The following MAGI2 variants were observed in gnomAD, a reference collection of about 807,000 sequenced individuals.
The protein encoded by MAGI2 is membrane-associated guanylate kinase, WW and PDZ domain-containing protein 2.
A neutral mutation model predicts 133.3 loss-of-function variants in MAGI2; 35 were observed. The observed-to-expected ratio is 0.26, with a 90% CI of 0.20 to 0.35. The LOEUF (loss-of-function observed/expected upper bound fraction) is 0.35, where lower values mean the gene tolerates loss of function less well. Ranked by LOEUF, MAGI2 falls within the 10% of genes least tolerant of loss-of-function variation. MAGI2 has a pLI of 1.00. For synonymous variants in MAGI2, 729 were observed against 710.6 expected, an observed-to-expected ratio of 1.03 and a Z score of -0.41; for missense variants, 1,636 against 1,863.4, an observed-to-expected ratio of 0.88 and a Z score of 2.25.
chr7:78,077,754 A>G (rs2151183333), intron 21 of MAGI2, among the ~76,000 whole-genome samples: 1 of 106,408 alleles, frequency 9.4e-6, no homozygotes, highest in East Asian at 2.6e-4. Context: ...TTTGAGACAG[A>G]GTTTCGCTCT....
At chr7:79,436,835 C>T (rs1310781875) in intron 1 of MAGI2, among the ~76,000 whole-genome samples, 1 of 152,114 alleles carries the variant, frequency 6.6e-6, no homozygotes, top group Non-Finnish European at 1.5e-5. Context: ...ATCCAGTAAT[C>T]CCATTACTGG....
chr7:78,083,387 G>GGGGGGAGAGAGA (rs1816229903), intron 20 of MAGI2, among the ~76,000 whole-genome samples: 9 of 33,302 alleles, frequency 2.7e-4, no homozygotes, highest in East Asian at 1.3e-3. Context: ...AGGGAGGGGG[G>GGGGGGAGAGAGA]GAGAGAGAGA....
intron 1 of MAGI2, among the ~76,000 whole-genome samples, chr7:79,298,323 AG>A (rs1419728572): frequency 3.9e-5 from 6 of 152,308 alleles, no homozygotes; most frequent in Non-Finnish European, 8.8e-5. Flanking sequence ...TAGATTCTGC[AG>A]AACAAGTGGA....
chr7:78,476,666 A>G (rs182977615), intron 6 of MAGI2, among the ~76,000 whole-genome samples: 1 of 152,052 alleles, frequency 6.6e-6, no homozygotes, highest in East Asian at 1.9e-4. Context: ...TCTGAGGGCA[A>G]CTTTATGTTC....
At chr7:79,096,395 T>G (rs926205711) in intron 1 of MAGI2, among the ~76,000 whole-genome samples, 4 of 152,190 alleles carry the variant, frequency 2.6e-5, no homozygotes, top group Non-Finnish European at 5.9e-5. Context: ...AAGTGCCTTG[T>G]GTACAGCTTC....
chr7:78,946,619 C>T (rs1031705883), intron 2 of MAGI2: 3 of 152,152 alleles, frequency 2.0e-5, no homozygotes, highest in African/African-American at 7.2e-5. Context: ...GCTTTTCATG[C>T]ACCTTAGAGG....
chr7:78,117,522 C>T (rs6958825), intron 20 of MAGI2, among the ~76,000 whole-genome samples: 130,374 of 152,038 alleles, frequency 0.86, 56,310 homozygotes, highest in African/African-American at 0.91. Context: ...TAGAAGAAAA[C>T]ATCTTTAATC....
chr7:79,421,011 A>G (rs905945839), intron 1 of MAGI2, among the ~76,000 whole-genome samples: 2 of 152,024 alleles, frequency 1.3e-5, no homozygotes, highest in East Asian at 3.9e-4. Flanking sequence ...AAAGTCAAAT[A>G]TAATATGCAC....
chr7:78,775,961 G>C (rs959828598), intron 2 of MAGI2, among the ~76,000 whole-genome samples: 4 of 152,118 alleles, frequency 2.6e-5, no homozygotes, highest in Non-Finnish European at 5.9e-5. Context: ...CCTGCAAAAG[G>C]CTCAGTCTTA....
chr7:79,125,490 C>T (rs1795086677), intron 1 of MAGI2: 2 of 512,552 alleles, frequency 3.9e-6, no homozygotes, highest in East Asian at 5.3e-5. Context: ...CCAGAGGAAG[C>T]AGACGCTATG....
intron 9 of MAGI2, among the ~76,000 whole-genome samples, chr7:78,292,433 A>G (rs1407515284): frequency 6.6e-6 from 1 of 152,198 alleles, no homozygotes; most frequent in Non-Finnish European, 1.5e-5. Context: ...GAAATAAAAG[A>G]GGACACAAAC....
chr7:78,796,675 GCACTCC>G (rs1014492931), intron 2 of MAGI2, among the ~76,000 whole-genome samples: 1 of 152,090 alleles, frequency 6.6e-6, no homozygotes, highest in African/African-American at 2.4e-5. Context: ...AAAGGAATCT[GCACTCC>G]CATGTTTATT....
chr7:78,674,536 T>C (rs1814775654), intron 2 of MAGI2, among the ~76,000 whole-genome samples: 1 of 152,144 alleles, frequency 6.6e-6, no homozygotes, highest in Non-Finnish European at 1.5e-5. Context: ...TTGGGCAAGT[T>C]ATATAATGTG....
At chr7:78,205,021 C>T (rs570045224) in intron 10 of MAGI2, among the ~76,000 whole-genome samples, 2 of 152,332 alleles carry the variant, frequency 1.3e-5, no homozygotes, top group East Asian at 3.9e-4. Context: ...AACAGACACA[C>T]ATTGCAAATT....
chr7:79,213,153 A>G lies in MAGI2; in HGVS notation c.302-205947T>C, dbSNP rs1164481558. ...ACCACTATTCAAAAATTATGACTTG[A>G]GATTTTTCTGTATATATTTTCTGTA... On this transcript the variant is annotated intron_variant, in intron 1 of 21. Coordinates refer to ENST00000354212, the MANE Select transcript of MAGI2 (RefSeq NM_012301.4). Among the ~76,000 whole-genome samples the G allele has an allele frequency of 3.3e-5, 5 of 151,274 alleles. 1 individual carries two copies. The highest frequency in any genetic ancestry group is 1.2e-4 in the African/African-American group (5 of 40,902).
At chr7:79,252,612 T>C (rs1833391391) in intron 1 of MAGI2, among the ~76,000 whole-genome samples, 1 of 152,216 alleles carries the variant, frequency 6.6e-6, no homozygotes, top group African/African-American at 2.4e-5. Context: ...ATAATTGAGT[T>C]GTTTGTAACA....
chr7:78,314,475 G>C (rs1371822689), intron 9 of MAGI2, among the ~76,000 whole-genome samples: 1 of 152,166 alleles, frequency 6.6e-6, no homozygotes, highest in Admixed American at 6.5e-5. Context: ...TGACTTATAA[G>C]AGGGCATGGA....
chr7:79,169,848 A>G (rs1825342394), intron 1 of MAGI2, among the ~76,000 whole-genome samples: 1 of 152,008 alleles, frequency 6.6e-6, no homozygotes, highest in Admixed American at 6.6e-5. Flanking sequence ...AGGGGTGATT[A>G]GCTTCTCTCT....
chr7:78,673,750 T>C (rs1814675884), intron 2 of MAGI2, among the ~76,000 whole-genome samples: 1 of 152,118 alleles, frequency 6.6e-6, no homozygotes, highest in Non-Finnish European at 1.5e-5. Flanking sequence ...CTGATCCAAA[T>C]GTTAATCTCA....
Sources: gnomAD v4.1 joint callset for allele counts (sites outside exome capture counted in the v4.1 genomes callset) on GRCh38, gnomAD v4.1.1 for gene constraint, MANE v1.5 for transcripts, NCBI Gene and HGNC (gene_info 2026-07-23, HGNC 2026-07-21) for gene names.